PAPSS2: variants seen among roughly 807,000 people sequenced by gnomAD.
PAPSS2 encodes 3'-phosphoadenosine 5'-phosphosulfate synthase 2.
In PAPSS2, 61 loss-of-function variants were observed where a neutral mutation model predicts 66.5. That is an observed-to-expected ratio of 0.92 (90% CI 0.75 to 1.14). PAPSS2 has a LOEUF of 1.14. Among genes scored for constraint, PAPSS2 ranks in the 50% most tolerant of loss-of-function variants. PAPSS2 has a pLI of 0.00. For missense variants in PAPSS2, 708 were observed against 789.6 expected, an observed-to-expected ratio of 0.90 and a Z score of 1.24; for synonymous variants, 289 against 287.5, an observed-to-expected ratio of 1.01 and a Z score of -0.05.
chr10:87,732,209 T>C (rs796751467), intron 9 of PAPSS2, among the ~76,000 whole-genome samples: 3 of 152,290 alleles, frequency 2.0e-5, no homozygotes, highest in African/African-American at 7.2e-5. Flanking sequence ...GCTCAGAGGA[T>C]CATTAACATT....
intron 1 of PAPSS2, among the ~76,000 whole-genome samples, chr10:87,675,901 A>G (rs551026331): frequency 1.9e-4 from 29 of 151,852 alleles, no homozygotes; most frequent in Non-Finnish European, 3.1e-4. Flanking sequence ...AAGCATTGTA[A>G]CATGCCTGAG....
intron 7 of PAPSS2, among the ~76,000 whole-genome samples, chr10:87,718,803 G>T (rs1853562931): frequency 6.6e-6 from 1 of 152,188 alleles, no homozygotes; most frequent in Non-Finnish European, 1.5e-5. Context: ...GGTTGCTTTA[G>T]TTCCACAGTG....
rs1853487872 is a variant in PAPSS2, at chr10:87,713,312, T to TAAAAAAAAAAACAAAAAAAAAAAAAA, written c.381+13_381+14insCAAAAAAAAAAAAAAAAAAAAAAAAA. 2 of 575,166 alleles carry TAAAAAAAAAAACAAAAAAAAAAAAAA rather than the reference T, an allele frequency of 3.5e-6. No homozygotes were observed. Among genetic ancestry groups the TAAAAAAAAAAACAAAAAAAAAAAAAA allele is most frequent in the African/African-American group, 3.2e-5 (1 of 31,236 alleles). 35.6% of individuals were successfully genotyped at this position (575,166 alleles called of 1,614,324 possible). A position where few individuals can be genotyped will look rare whatever the true frequency, so the allele number is the denominator to read the frequency against. On this transcript the variant is annotated splice_region_variant and intron_variant, in intron 3 of 12. Transcript: ENST00000456849. Reference sequence around the variant, plus strand: ...AGCTTTATTTCTCCATTCGCAAAGGTAAAAAAAAAAAAAAAAAAAAAAGGC... The same window carrying TAAAAAAAAAAACAAAAAAAAAAAAAA: ...AGCTTTATTTCTCCATTCGCAAAGGTAAAAAAAAAAACAAAAAAAAAAAAAAAAAAAAAAAAAAAAAAAAAAAAGGC...
At chr10:87,694,857 G>T (rs1448482084) in intron 1 of PAPSS2, among the ~76,000 whole-genome samples, 1 of 152,234 alleles carries the variant, frequency 6.6e-6, no homozygotes, top group Admixed American at 6.5e-5. Flanking sequence ...GCAGGGAAAT[G>T]ATGTGATGGC....
intron 1 of PAPSS2, among the ~76,000 whole-genome samples, chr10:87,665,847 C>A (rs1201973271): frequency 2.0e-5 from 3 of 152,170 alleles, no homozygotes; most frequent in Admixed American, 2.0e-4. Context: ...AGCAAATATG[C>A]CCCATAAGGA....
At chr10:87,745,786 G>GAT in intron 12 of PAPSS2, 46 bp from the exon 13 acceptor site, 4 of 1,606,830 alleles carry the variant, frequency 2.5e-6, no homozygotes, top group African/African-American at 1.3e-5. Flanking sequence ...CCTTAAGGCA[G>GAT]ATATCATTTA....
chr10:87,741,332 C>G lies in PAPSS2; in HGVS notation c.1184C>G (p.Pro395Arg). The G allele has an allele frequency of 6.2e-7, 1 of 1,613,768 alleles. No homozygotes were observed. Among genetic ancestry groups the G allele is most frequent in the Non-Finnish European group, 8.5e-7 (1 of 1,179,686 alleles). The change falls in exon 10 of 13, where the codon CCT (proline) becomes CGT (arginine). Residue 395 changes from proline (P) to arginine (R), a missense_variant. Pro to Arg is a moderately radical substitution (Grantham distance 103). Transcript: ENST00000456849. Reference sequence around the variant, plus strand: ...GGGCTGGACCAATACCGTCTGACACCTCTGGAGCTCAAACAGAAATGTAAA... The same window carrying G: ...GGGCTGGACCAATACCGTCTGACACGTCTGGAGCTCAAACAGAAATGTAAA... The part of the protein sequence containing the change: ...NDGLDQYRLT[P>R]LELKQKCKEM...
At chr10:87,730,373 C>T (rs563932204) in intron 9 of PAPSS2, among the ~76,000 whole-genome samples, 2 of 152,202 alleles carry the variant, frequency 1.3e-5, no homozygotes, top group Admixed American at 6.5e-5. Flanking sequence ...AATCAGGTTA[C>T]GCTGGTAAGA....
chr10:87,734,661 GTGTATATATATATATATATATATATA>G (rs1165928135), intron 9 of PAPSS2, among the ~76,000 whole-genome samples: 23 of 90,378 alleles, frequency 2.5e-4, no homozygotes, highest in African/African-American at 1.0e-3. Context: ...ATGAATGTGT[GTGTATATATATATATATATATATATA>G]TATATATATA....
chr10:87,710,560 A>G (rs188095270), intron 2 of PAPSS2, among the ~76,000 whole-genome samples: 11 of 152,330 alleles, frequency 7.2e-5, no homozygotes, highest in African/African-American at 2.6e-4. Context: ...TATACACACA[A>G]AGTCCATTTT....
chr10:87,687,003 A>T (rs1447202548), intron 1 of PAPSS2, among the ~76,000 whole-genome samples: 1 of 152,194 alleles, frequency 6.6e-6, no homozygotes, highest in Non-Finnish European at 1.5e-5. Flanking sequence ...TACTTTTTTG[A>T]TATAAGTATG....
At chr10:87,694,343 T>C (rs890649429) in intron 1 of PAPSS2, among the ~76,000 whole-genome samples, 3 of 152,188 alleles carry the variant, frequency 2.0e-5, no homozygotes, top group African/African-American at 7.2e-5. Flanking sequence ...CAGACTTAAG[T>C]CTATAAATCT....
chr10:87,692,902 A>G (rs1853188625), intron 1 of PAPSS2, among the ~76,000 whole-genome samples: 1 of 152,164 alleles, frequency 6.6e-6, no homozygotes, highest in Non-Finnish European at 1.5e-5. Flanking sequence ...GATCTTGCCA[A>G]TAATCATCAT....
intron 1 of PAPSS2, among the ~76,000 whole-genome samples, chr10:87,699,012 A>G (rs1350221865): frequency 3.3e-5 from 5 of 152,230 alleles, no homozygotes; most frequent in Non-Finnish European, 5.9e-5. Context: ...GTTGAATGAA[A>G]CAGCCTTCTT....
rs146983564 is a variant in PAPSS2, at chr10:87,743,538, G to A, written c.1388G>A (p.Arg463Gln). The change falls in exon 11 of 13, where the codon CGG becomes CAG. Residue 463 changes from arginine (R) to glutamine (Q), a missense_variant. Transcript: ENST00000456849. Reference protein sequence around the residue: ...TKDDDVPLDWRMKQHAAVLEE... With the variant: ...TKDDDVPLDWQMKQHAAVLEE... ...GATGACGATGTGCCTCTAGACTGGC[G>A]GATGAAGCAGCACGCGGCTGTGCTC... The A allele has an allele frequency of 2.8e-5, 46 of 1,614,118 alleles. No individual in the cohort carries two copies. In the East Asian group the frequency reaches 3.3e-4, roughly 12 times the overall value.
chr10:87,660,816 A>C (rs7097210), intron 1 of PAPSS2, among the ~76,000 whole-genome samples: 14 of 52,084 alleles, frequency 2.7e-4, no homozygotes, highest in South Asian at 5.4e-4. Flanking sequence ...AAAAAAAAAA[A>C]AAAAAAAAAA....
At position 87,743,553 on chromosome 10, in the gene PAPSS2, C is replaced by T. The variant is rs34097979; in HGVS notation, c.1403C>T (p.Ala468Val). 6.6e-4 allele frequency: 1,065 copies of T among 1,614,084 alleles called. 5 individuals are homozygous for T. The African/African-American group carries it at 7.0e-3, about 11-fold the overall frequency. The change falls in exon 11 of 13, where the codon GCG (alanine) becomes GTG (valine). Residue 468 changes from alanine (A) to valine (V), a missense_variant. Transcript: ENST00000456849. ...VPLDWRMKQH[A>V]AVLEEGVLDP... ...CTAGACTGGCGGATGAAGCAGCACG[C>T]GGCTGTGCTCGAGGAAGGGGTCCTG...
At chr10:87,730,077 G>A (rs1359034566) in intron 9 of PAPSS2, among the ~76,000 whole-genome samples, 1 of 152,200 alleles carries the variant, frequency 6.6e-6, no homozygotes, top group Admixed American at 6.5e-5. Flanking sequence ...AGTTCTTGAA[G>A]GAAATTACAC....
At chr10:87,741,826 A>T (rs1209915990) in intron 10 of PAPSS2, among the ~76,000 whole-genome samples, 3 of 152,204 alleles carry the variant, frequency 2.0e-5, no homozygotes, top group Non-Finnish European at 4.4e-5. Flanking sequence ...GCATGACCAT[A>T]GCTCACTGCA....
Sources: allele counts gnomAD v4.1 joint callset (sites outside exome capture counted in the v4.1 genomes callset), GRCh38; gene constraint gnomAD v4.1.1; transcripts MANE v1.5; gene names NCBI Gene and HGNC (gene_info 2026-07-23, HGNC 2026-07-21).